The following C14orf132 variants were observed in gnomAD, a reference collection of about 807,000 sequenced individuals.
The protein encoded by C14orf132 is chromosome 14 open reading frame 132, also known as uncharacterized protein C14orf132.
In C14orf132, 6 loss-of-function variants were observed where a neutral mutation model predicts 5.8. The ratio of observed to expected loss-of-function variants is 1.03; its 90% CI spans 0.57 to 2.04. The LOEUF is 2.04. Ranked by LOEUF, C14orf132 falls within the 30% of genes most tolerant of loss-of-function variation. The probability of loss-of-function intolerance (pLI) is 0.00; values close to 1 mark genes in which losing one functional copy is unlikely to be tolerated. For missense variants in C14orf132, 125 were observed against 115.8 expected (o/e 1.08, Z -0.37); for synonymous variants, 51 against 49.8 (o/e 1.02, Z -0.10).
At chr14:96,052,682 G>A (rs1024035813) in intron 1 of C14orf132, among the ~76,000 whole-genome samples, 26 of 152,212 alleles carry the variant, frequency 1.7e-4, no homozygotes, top group South Asian at 1.5e-3. Flanking sequence ...CCAGTGATCC[G>A]GACAGCACCA....
Position 96,078,297 on chromosome 14 carries a change from AG to A in C14orf132, c.28-8213del, listed in dbSNP as rs1457306452. 2.6e-5 allele frequency among the ~76,000 whole-genome samples: 4 copies of A among 152,280 alleles called. No homozygotes were observed. In the East Asian group the frequency reaches 7.7e-4, roughly 29 times the overall value. On this transcript the variant is annotated intron_variant, in intron 1 of 1. Transcript: ENST00000555004. Reference sequence around the variant, plus strand: ...GAGGCAGGACCAGGAGAGAAAAAAGAGAAAACAAGTAAAAATCGGGGATTCC... The same window carrying A: ...GAGGCAGGACCAGGAGAGAAAAAAGAAAAACAAGTAAAAATCGGGGATTCC...
intron 1 of C14orf132, among the ~76,000 whole-genome samples, chr14:96,065,373 A>T (rs567417790): frequency 6.6e-6 from 1 of 152,254 alleles, no homozygotes; most frequent in East Asian, 1.9e-4. Context: ...ATTACTACTG[A>T]AGACAATTTT....
chr14:96,060,211 G>C (rs1479013891), intron 1 of C14orf132, among the ~76,000 whole-genome samples: 1 of 152,162 alleles, frequency 6.6e-6, no homozygotes, highest in African/African-American at 2.4e-5. Flanking sequence ...GCTGGTTCTT[G>C]TGTGGCTCCC....
intron 1 of C14orf132, among the ~76,000 whole-genome samples, chr14:96,085,541 A>T (rs2139684166): frequency 6.6e-6 from 1 of 152,330 alleles, no homozygotes; most frequent in East Asian, 1.9e-4. Flanking sequence ...AAACAGAAAT[A>T]GGAAGTTCTG....
rs1887249411 is a variant in C14orf132, at chr14:96,058,566, T to C, written c.27+19039T>C. On this transcript the variant is annotated intron_variant, in intron 1 of 1. Coordinates refer to ENST00000555004, the MANE Select transcript of C14orf132 (RefSeq NM_001252507.3). ...AAGAGGCATGAGAACAGTTTTTAATTGAAGTTAACATTGTGGCTTTTCCCA... is the reference window on the plus strand; with the variant it reads ...AAGAGGCATGAGAACAGTTTTTAATCGAAGTTAACATTGTGGCTTTTCCCA... 3.3e-5 allele frequency among the ~76,000 whole-genome samples: 5 copies of C among 152,216 alleles called. No individual in the cohort carries two copies. The South Asian group carries it at 1.0e-3, about 32-fold the overall frequency.
At chr14:96,044,715 C>T (rs1404267304) in intron 1 of C14orf132, among the ~76,000 whole-genome samples, 1 of 152,126 alleles carries the variant, frequency 6.6e-6, no homozygotes, top group Non-Finnish European at 1.5e-5. Context: ...TACCTGCAGT[C>T]CTTGGCATTC....
chr14:96,049,642 A>G (rs866161887), intron 1 of C14orf132, among the ~76,000 whole-genome samples: 5 of 69,204 alleles, frequency 7.2e-5, no homozygotes, highest in Non-Finnish European at 1.1e-4. Context: ...ATATATACGT[A>G]TATATATATA....
At chr14:96,059,240 G>A (rs1887273039) in intron 1 of C14orf132, among the ~76,000 whole-genome samples, 1 of 152,194 alleles carries the variant, frequency 6.6e-6, no homozygotes, top group Non-Finnish European at 1.5e-5. Flanking sequence ...AGCCATGATT[G>A]CAGCACTGCC....
chr14:96,090,263 G>A lies in C14orf132; in HGVS notation c.*3528G>A, dbSNP rs1424269389. Reference sequence around the variant, plus strand: ...AAAAATTAACCAGACATTGTGGCATGTGCCTGTAATCCCAGCTACTCAGGA... The same window carrying A: ...AAAAATTAACCAGACATTGTGGCATATGCCTGTAATCCCAGCTACTCAGGA... On this transcript the variant is annotated 3_prime_UTR_variant, in exon 2 of 2. Transcript: ENST00000555004. 1.1e-5 allele frequency: 2 copies of A among 175,526 alleles called. No homozygotes were observed. The highest frequency in any genetic ancestry group is 4.8e-5 in the African/African-American group (2 of 41,560). The allele number at this position is 175,526 out of a possible 1,614,324, so 10.9% of individuals were successfully genotyped here.
At chr14:96,043,800 G>A (rs1176744482) in intron 1 of C14orf132, among the ~76,000 whole-genome samples, 2 of 152,208 alleles carry the variant, frequency 1.3e-5, no homozygotes, top group Non-Finnish European at 2.9e-5. Context: ...GTCACTGGAA[G>A]TCACCTAACA....
At chr14:96,064,542 G>A (rs1286713427) in intron 1 of C14orf132, among the ~76,000 whole-genome samples, 1 of 151,814 alleles carries the variant, frequency 6.6e-6, no homozygotes, top group Non-Finnish European at 1.5e-5. Flanking sequence ...GGATGAGATT[G>A]GAGACTCTTA....
Position 96,091,469 on chromosome 14 carries a change from G to A in C14orf132, c.*4734G>A, listed in dbSNP as rs542114334. 1.5e-4 allele frequency: 28 copies of A among 185,318 alleles called. No individual in the cohort carries two copies. Among genetic ancestry groups the A allele is most frequent in the Non-Finnish European group, 2.3e-4 (20 of 88,714 alleles). 11.5% of individuals were successfully genotyped at this position (185,318 alleles called of 1,614,324 possible). On this transcript the variant is annotated 3_prime_UTR_variant, in exon 2 of 2. Transcript: ENST00000555004. The stretch of plus-strand genomic sequence containing the variant: ...GTCTGGGCTCCTGGCCCAGGGGTCC[G>A]TGGTCCAGCACGTTGTGCGTTCAGT...
At chr14:96,067,698 T>C (rs1396394745) in intron 1 of C14orf132, among the ~76,000 whole-genome samples, 2 of 136,052 alleles carry the variant, frequency 1.5e-5, no homozygotes, top group Non-Finnish European at 1.6e-5. Flanking sequence ...AAACTCCGCC[T>C]AAAAAAAAAA....
chr14:96,066,908 A>T (rs1224332432), intron 1 of C14orf132, among the ~76,000 whole-genome samples: 1 of 152,208 alleles, frequency 6.6e-6, no homozygotes, highest in Non-Finnish European at 1.5e-5. Context: ...TGTTAATTCA[A>T]CCTGGAGTGA....
At chr14:96,072,203 C>T (rs2139671166) in intron 1 of C14orf132, among the ~76,000 whole-genome samples, 1 of 152,360 alleles carries the variant, frequency 6.6e-6, no homozygotes, top group South Asian at 2.1e-4. Flanking sequence ...TGTCGAAACA[C>T]CACAGTGATC....
At chr14:96,063,470 G>A (rs1887424460) in intron 1 of C14orf132, among the ~76,000 whole-genome samples, 1 of 151,966 alleles carries the variant, frequency 6.6e-6, no homozygotes, top group Non-Finnish European at 1.5e-5. Flanking sequence ...CACCACGTCG[G>A]GCTAATTTTT....
At chr14:96,044,094 G>T (rs186693318) in intron 1 of C14orf132, among the ~76,000 whole-genome samples, 36 of 152,370 alleles carry the variant, frequency 2.4e-4, no homozygotes, top group African/African-American at 8.7e-4. Flanking sequence ...AGCTGGGGGG[G>T]CCAGGGACCC....
intron 1 of C14orf132, among the ~76,000 whole-genome samples, chr14:96,083,105 G>T (rs937204230): frequency 6.6e-6 from 1 of 152,228 alleles, no homozygotes; most frequent in Non-Finnish European, 1.5e-5. Context: ...CATGAGGCCT[G>T]TCCCACGGCT....
At chr14:96,064,074 G>A (rs1292058839) in intron 1 of C14orf132, among the ~76,000 whole-genome samples, 1 of 151,986 alleles carries the variant, frequency 6.6e-6, no homozygotes, top group Non-Finnish European at 1.5e-5. Flanking sequence ...AGTAGATGTT[G>A]GCAGGGATGT....
Sources: gnomAD v4.1 joint callset for allele counts (sites outside exome capture counted in the v4.1 genomes callset) on GRCh38, gnomAD v4.1.1 for gene constraint, MANE v1.5 for transcripts, NCBI Gene and HGNC (gene_info 2026-07-23, HGNC 2026-07-21) for gene names.